AKAP19: variants seen among roughly 807,000 people sequenced by gnomAD.
AKAP19 encodes A-kinase anchoring protein 19, also known as small A-kinase anchoring protein.
chr2:189,964,703 C>T, the AKAP19 span, among the ~76,000 whole-genome samples: 1 of 152,164 alleles, frequency 6.6e-6, no homozygotes, highest in Non-Finnish European at 1.5e-5. Flanking sequence ...ATGAACCAAC[C>T]TATGTTAGTC....
At chr2:189,899,481 C>G in the AKAP19 span, among the ~76,000 whole-genome samples, 1 of 152,084 alleles carries the variant, frequency 6.6e-6, no homozygotes, top group African/African-American at 2.4e-5. Context: ...AATTGGTAAC[C>G]ATCTTGTCAG....
At chr2:190,062,744 CA>C in the AKAP19 span, 1 of 705,540 alleles carries the variant, frequency 1.4e-6, no homozygotes, top group Non-Finnish European at 2.3e-6. Context: ...TACTGTATTC[CA>C]AGTGGCTTTT....
chr2:190,020,476 A>G, the AKAP19 span, among the ~76,000 whole-genome samples: 1 of 152,112 alleles, frequency 6.6e-6, no homozygotes, highest in South Asian at 2.1e-4. Context: ...GTCCAGGTTT[A>G]TTTTTTGCAG....
At chr2:190,171,567 T>G in the AKAP19 span, among the ~76,000 whole-genome samples, 1 of 152,240 alleles carries the variant, frequency 6.6e-6, no homozygotes, top group African/African-American at 2.4e-5. Flanking sequence ...CTTACCTTGC[T>G]TTACTGAGCA....
the AKAP19 span, among the ~76,000 whole-genome samples, chr2:189,918,223 A>T: frequency 1.3e-5 from 2 of 152,092 alleles, no homozygotes; most frequent in African/African-American, 4.8e-5. Flanking sequence ...ACAAAACTCG[A>T]TAGAATATAT....
the AKAP19 span, among the ~76,000 whole-genome samples, chr2:190,105,960 AAAAT>A: frequency 5.9e-5 from 9 of 152,270 alleles, no homozygotes; most frequent in African/African-American, 1.7e-4. Flanking sequence ...AAGTGCATGA[AAAAT>A]GAATGAATGA....
At chr2:190,105,651 AT>A in the AKAP19 span, among the ~76,000 whole-genome samples, 1 of 152,110 alleles carries the variant, frequency 6.6e-6, no homozygotes, top group Non-Finnish European at 1.5e-5. Context: ...GAATTGATAT[AT>A]TTTGTGATTT....
At chr2:189,982,628 A>AT in the AKAP19 span, among the ~76,000 whole-genome samples, 14 of 134,244 alleles carry the variant, frequency 1.0e-4, no homozygotes, top group African/African-American at 3.9e-4. Context: ...GTTACTTCTT[A>AT]TTTTTGAATT....
chr2:189,880,074 TTCTC>T, the AKAP19 span, among the ~76,000 whole-genome samples: 8 of 152,316 alleles, frequency 5.3e-5, no homozygotes, highest in East Asian at 1.5e-3. Context: ...GGCTACGTGA[TTCTC>T]TGTGATTTTA....
the AKAP19 span, chr2:190,199,940 C>G: frequency 6.2e-7 from 1 of 1,614,054 alleles, no homozygotes; most frequent in Admixed American, 1.7e-5. Context: ...AGTGAAGAAC[C>G]CTTTATGCCA....
the AKAP19 span, among the ~76,000 whole-genome samples, chr2:189,904,507 G>T: frequency 6.6e-6 from 1 of 151,904 alleles, no homozygotes. Context: ...ATGGGAAAAG[G>T]GTACGTTACT....
the AKAP19 span, among the ~76,000 whole-genome samples, chr2:190,189,525 T>C: frequency 1.3e-5 from 2 of 152,220 alleles, no homozygotes; most frequent in Non-Finnish European, 2.9e-5. Flanking sequence ...TAGATACGGC[T>C]AAACCAGCTG....
the AKAP19 span, among the ~76,000 whole-genome samples, chr2:189,969,396 T>C: frequency 4.6e-5 from 7 of 152,198 alleles, no homozygotes; most frequent in Admixed American, 2.6e-4. Flanking sequence ...GTTTGTTGTT[T>C]GTGAACTATC....
chr2:190,081,905 T>C, the AKAP19 span, among the ~76,000 whole-genome samples: 12 of 152,166 alleles, frequency 7.9e-5, no homozygotes, highest in Admixed American at 2.0e-4. Flanking sequence ...CAGAGAAACT[T>C]TGAAAACTGA....
the AKAP19 span, among the ~76,000 whole-genome samples, chr2:190,123,753 C>G: frequency 2.0e-5 from 3 of 152,122 alleles, no homozygotes; most frequent in South Asian, 6.2e-4. Context: ...ATCTAGAAAC[C>G]TGGTAAAGCA....
the AKAP19 span, among the ~76,000 whole-genome samples, chr2:190,028,701 T>A: frequency 6.6e-6 from 1 of 152,204 alleles, no homozygotes; most frequent in Admixed American, 6.5e-5. Context: ...CAAAGTACAT[T>A]ATTATGTAAA....
At chr2:190,062,908 A>G in the AKAP19 span, among the ~76,000 whole-genome samples, 1 of 152,114 alleles carries the variant, frequency 6.6e-6, no homozygotes, top group Non-Finnish European at 1.5e-5. Context: ...TCATTTGACT[A>G]CTTCATAAAA....
At chr2:190,136,651 A>G in the AKAP19 span, among the ~76,000 whole-genome samples, 1 of 152,184 alleles carries the variant, frequency 6.6e-6, no homozygotes, top group Admixed American at 6.5e-5. Flanking sequence ...GCAGAGCCAG[A>G]GCCTTCTGAC....
At chr2:190,137,911 A>G in the AKAP19 span, 1 of 3,594 alleles carries the variant, frequency 2.8e-4, no homozygotes, top group Admixed American at 0.011. Context: ...AGTGATTGAC[A>G]CACCAAACCC....
Sources: allele counts gnomAD v4.1 joint callset (sites outside exome capture counted in the v4.1 genomes callset), GRCh38; gene constraint gnomAD v4.1.1; transcripts MANE v1.5; gene names NCBI Gene and HGNC (gene_info 2026-07-23, HGNC 2026-07-21).